The following LINGO1 variants were observed in gnomAD, a reference collection of about 807,000 sequenced individuals.
LINGO1 encodes the protein leucine-rich repeat and immunoglobulin-like domain-containing nogo receptor-interacting protein 1.
In LINGO1, 11 loss-of-function variants were observed where a neutral mutation model predicts 37.3. That is an observed-to-expected ratio of 0.29 (90% confidence interval 0.19 to 0.49). LINGO1 has a LOEUF of 0.49. LINGO1 is among the 20% of genes least tolerant of loss of function. The pLI is 0.99. For synonymous variants in LINGO1, 387 were observed against 403.0 expected (o/e 0.96, Z 0.48); for missense variants, 585 against 878.2 (o/e 0.67, Z 4.22).
chr15:77,725,726 G>C (rs1415210036), intron 2 of LINGO1, among the ~76,000 whole-genome samples: 1 of 152,238 alleles, frequency 6.6e-6, no homozygotes, highest in East Asian at 1.9e-4. Context: ...GTGAGAGGTA[G>C]AGCCTGCATC....
chr15:77,801,499 T>C (rs760699667), intron 1 of LINGO1, among the ~76,000 whole-genome samples: 3 of 152,194 alleles, frequency 2.0e-5, no homozygotes, highest in Admixed American at 6.5e-5. Context: ...CTCCGAGCAG[T>C]GGGACAAGTG....
chr15:77,663,446 T>C (rs985954672), intron 3 of LINGO1, among the ~76,000 whole-genome samples: 2 of 152,138 alleles, frequency 1.3e-5, no homozygotes, highest in South Asian at 2.1e-4. Context: ...ACTGGTGGGG[T>C]AGAACTCCAC....
intron 2 of LINGO1, among the ~76,000 whole-genome samples, chr15:77,729,651 G>A (rs1179620201): frequency 2.0e-5 from 3 of 152,196 alleles, no homozygotes; most frequent in Non-Finnish European, 4.4e-5. Context: ...CTGAGCTGCC[G>A]TGGGCTGCAG....
chr15:77,700,818 C>T (rs1393317867), upstream of LINGO1, among the ~76,000 whole-genome samples: 1 of 152,188 alleles, frequency 6.6e-6, no homozygotes, highest in Non-Finnish European at 1.5e-5. Context: ...GCTTGGTCCC[C>T]TCACAGTGTT....
In LINGO1 at chr15:77,701,745, G is replaced by A. The variant is rs149143491; in HGVS notation, c.-194-10844C>T. 4.9e-3 allele frequency among the ~76,000 whole-genome samples: 742 copies of A among 152,236 alleles called. 10 individuals carry two copies. Among genetic ancestry groups the A allele is most frequent in the African/African-American group, 0.017 (692 of 41,510 alleles). On this transcript the variant is annotated intron_variant, in intron 2 of 3. Transcript: ENST00000561686. The stretch of plus-strand genomic sequence containing the variant: ...CACTTCCTTTCTCTTGTCATGCGAT[G>A]CCAGCTCCCCTTTGCTCTCTGGCAC...
chr15:77,773,118 G>T (rs968077561), intron 1 of LINGO1, among the ~76,000 whole-genome samples: 2 of 152,208 alleles, frequency 1.3e-5, no homozygotes, highest in Non-Finnish European at 2.9e-5. Context: ...CAGAGAAGAG[G>T]CTGCCAAAAT....
At chr15:77,749,203 C>T (rs981501567) in intron 1 of LINGO1, among the ~76,000 whole-genome samples, 46 of 152,192 alleles carry the variant, frequency 3.0e-4, no homozygotes, top group Middle Eastern at 3.4e-3. Flanking sequence ...CCACTGCGCC[C>T]GGCCCCCCAG....
intron 2 of LINGO1, among the ~76,000 whole-genome samples, chr15:77,679,850 G>A (rs994736061): frequency 6.6e-6 from 1 of 151,758 alleles, no homozygotes; most frequent in African/African-American, 2.4e-5. Flanking sequence ...ATAGCCCATA[G>A]CAACCACTCG....
chr15:77,687,323 G>A (rs2075528766), intron 2 of LINGO1, among the ~76,000 whole-genome samples: 1 of 152,218 alleles, frequency 6.6e-6, no homozygotes, highest in Non-Finnish European at 1.5e-5. Context: ...CAGGACCAGG[G>A]TTTAGTGTGG....
intron 2 of LINGO1, among the ~76,000 whole-genome samples, chr15:77,685,696 A>T (rs1381911247): frequency 6.6e-6 from 1 of 151,490 alleles, no homozygotes. Context: ...CGTCTTAAAA[A>T]AAAAAAAAAC....
chr15:77,683,296 TGGGA>T (rs2075448387), intron 2 of LINGO1, among the ~76,000 whole-genome samples: 1 of 152,118 alleles, frequency 6.6e-6, no homozygotes, highest in African/African-American at 2.4e-5. Flanking sequence ...GGCCCAACCT[TGGGA>T]AGAGCAAGGT....
chr15:77,766,322 CAA>C (rs2076529558), intron 1 of LINGO1, among the ~76,000 whole-genome samples: 3 of 109,828 alleles, frequency 2.7e-5, no homozygotes, highest in African/African-American at 7.8e-5. Context: ...AAAAAACACA[CAA>C]ACAGAGAGAG....
At chr15:77,624,761 C>T (rs570800920) in intron 1 of LINGO1, among the ~76,000 whole-genome samples, 14 of 152,200 alleles carry the variant, frequency 9.2e-5, no homozygotes, top group African/African-American at 3.1e-4. Flanking sequence ...CCTTCCTGCC[C>T]CTTGCACAAG....
At chr15:77,739,640 C>T (rs920831880) in intron 1 of LINGO1, among the ~76,000 whole-genome samples, 29 of 152,218 alleles carry the variant, frequency 1.9e-4, no homozygotes, top group African/African-American at 6.5e-4. Context: ...GCCACTGTGA[C>T]GGCTCCCTCT....
chr15:77,771,846 C>T (rs2076588880), intron 1 of LINGO1, among the ~76,000 whole-genome samples: 1 of 152,222 alleles, frequency 6.6e-6, no homozygotes, highest in African/African-American at 2.4e-5. Context: ...GGACAGGATA[C>T]CTGCTCCCCT....
intron 1 of LINGO1, among the ~76,000 whole-genome samples, chr15:77,627,611 T>G (rs1372336701): frequency 6.6e-6 from 1 of 152,184 alleles, no homozygotes; most frequent in African/African-American, 2.4e-5. Flanking sequence ...TCATGCCAGG[T>G]GCACAGGGGG....
chr15:77,784,356 A>G (rs1277698284), intron 1 of LINGO1, among the ~76,000 whole-genome samples: 1 of 152,242 alleles, frequency 6.6e-6, no homozygotes, highest in Non-Finnish European at 1.5e-5. Flanking sequence ...TGAGGTTGGA[A>G]GGTTGTCACT....
chr15:77,701,625 C>T (rs989191614), intron 2 of LINGO1, among the ~76,000 whole-genome samples: 21 of 152,252 alleles, frequency 1.4e-4, no homozygotes, highest in Middle Eastern at 3.4e-3. Flanking sequence ...GTGCCCTTCT[C>T]GCCCTCTAAC....
At chr15:77,711,938 T>A (rs1386403234) in intron 2 of LINGO1, among the ~76,000 whole-genome samples, 3 of 152,286 alleles carry the variant, frequency 2.0e-5, no homozygotes, top group Non-Finnish European at 4.4e-5. Context: ...CAGGGCAGGC[T>A]GATGTGCTCC....
Sources: gnomAD v4.1 joint callset for allele counts (sites outside exome capture counted in the v4.1 genomes callset) on GRCh38, gnomAD v4.1.1 for gene constraint, MANE v1.5 for transcripts, NCBI Gene and HGNC (gene_info 2026-07-23, HGNC 2026-07-21) for gene names.